STPG2: variants seen among roughly 807,000 people sequenced by gnomAD.
The protein encoded by STPG2 is sperm-tail PG-rich repeat-containing protein 2.
Under a neutral mutation model 54.2 loss-of-function variants are expected in STPG2, and 56 were observed. That is an observed-to-expected ratio of 1.03 (90% confidence interval 0.83 to 1.29). The LOEUF is 1.29. Among genes scored for constraint, STPG2 ranks in the 50% most tolerant of loss-of-function variants. STPG2 has a pLI of 0.00. For synonymous variants in STPG2, 200 were observed against 181.8 expected, an observed-to-expected ratio of 1.10 and a Z score of -0.81; for missense variants, 596 against 544.9, an observed-to-expected ratio of 1.09 and a Z score of -0.93.
chr4:97,966,413 G>C (rs534810991), intron 7 of STPG2, among the ~76,000 whole-genome samples: 1 of 152,194 alleles, frequency 6.6e-6, no homozygotes, highest in African/African-American at 2.4e-5. Context: ...GTACCAGAAA[G>C]TGATGAGGAG....
intron 4 of STPG2, among the ~76,000 whole-genome samples, chr4:97,498,216 G>A (rs935930511): frequency 4.0e-5 from 6 of 151,810 alleles, no homozygotes; most frequent in Admixed American, 2.6e-4. Flanking sequence ...TTTTTATTTC[G>A]GATGCAAACC....
intron 9 of STPG2, among the ~76,000 whole-genome samples, chr4:97,714,288 T>C (rs1016228555): frequency 6.6e-6 from 1 of 152,188 alleles, no homozygotes; most frequent in Non-Finnish European, 1.5e-5. Context: ...TTTAGCTTCA[T>C]TAATATAGGA....
intron 10 of STPG2, among the ~76,000 whole-genome samples, chr4:97,664,195 G>A (rs1249896426): frequency 2.6e-5 from 4 of 152,110 alleles, no homozygotes; most frequent in African/African-American, 9.7e-5. Context: ...CCCCAAAAAT[G>A]TAGATGCAAT....
chr4:98,028,055 G>A (rs1264545390), intron 5 of STPG2, among the ~76,000 whole-genome samples: 5 of 152,140 alleles, frequency 3.3e-5, no homozygotes, highest in African/African-American at 1.2e-4. Flanking sequence ...AGAGATGGCT[G>A]AAGGGATCCA....
intron 10 of STPG2, among the ~76,000 whole-genome samples, chr4:97,705,221 G>A (rs1045331260): frequency 5.9e-5 from 9 of 151,802 alleles, no homozygotes; most frequent in Non-Finnish European, 1.0e-4. Flanking sequence ...TGTTTCCTTT[G>A]CCTAGAAAAA....
At chr4:97,974,277 C>A (rs1734432423) in intron 6 of STPG2, among the ~76,000 whole-genome samples, 1 of 152,166 alleles carries the variant, frequency 6.6e-6, no homozygotes, top group Non-Finnish European at 1.5e-5. Flanking sequence ...AAGGCCTGTA[C>A]CCCCATTGTA....
intron 8 of STPG2, among the ~76,000 whole-genome samples, chr4:97,897,690 C>A (rs900004807): frequency 4.6e-5 from 7 of 151,986 alleles, no homozygotes; most frequent in African/African-American, 7.2e-5. Flanking sequence ...TGATTGCTAG[C>A]TGCATGTATG....
intron 9 of STPG2, among the ~76,000 whole-genome samples, chr4:97,781,669 T>G (rs888873197): frequency 1.3e-5 from 2 of 152,126 alleles, no homozygotes; most frequent in Non-Finnish European, 2.9e-5. Context: ...TGAACATCAA[T>G]GCAAAAATCA....
At chr4:98,060,729 T>C (rs539286009) in intron 5 of STPG2, among the ~76,000 whole-genome samples, 7 of 152,110 alleles carry the variant, frequency 4.6e-5, no homozygotes, top group Middle Eastern at 3.4e-3. Flanking sequence ...CATAGACCAA[T>C]GGAACAGAAT....
intron 10 of STPG2, among the ~76,000 whole-genome samples, chr4:97,637,177 G>T (rs1203553616): frequency 6.6e-6 from 1 of 152,144 alleles, no homozygotes; most frequent in East Asian, 1.9e-4. Flanking sequence ...GGGATGCAAG[G>T]CTGGTTCAAT....
intron 9 of STPG2, among the ~76,000 whole-genome samples, chr4:97,831,718 A>T (rs1728469953): frequency 6.6e-6 from 1 of 152,206 alleles, no homozygotes; most frequent in South Asian, 2.1e-4. Flanking sequence ...AATACAAACT[A>T]CCATCAGAGA....
At chr4:98,081,649 G>A (rs1757278431) in intron 5 of STPG2, among the ~76,000 whole-genome samples, 1 of 152,162 alleles carries the variant, frequency 6.6e-6, no homozygotes, top group South Asian at 2.1e-4. Context: ...TTTGCTTAGA[G>A]ACATGACTTG....
chr4:97,677,456 G>C (rs1452256349), intron 10 of STPG2, among the ~76,000 whole-genome samples: 1 of 152,154 alleles, frequency 6.6e-6, no homozygotes. Flanking sequence ...TTTTGAATGT[G>C]TACCTGTATT....
At chr4:97,786,197 TAA>T (rs71588916) in intron 9 of STPG2, among the ~76,000 whole-genome samples, 117 of 147,906 alleles carry the variant, frequency 7.9e-4, no homozygotes, top group African/African-American at 1.5e-3. Flanking sequence ...GTTTGCCAAT[TAA>T]AAAAAAAAAA....
chr4:98,021,380 G>C (rs1055355564), intron 5 of STPG2, among the ~76,000 whole-genome samples: 6 of 144,354 alleles, frequency 4.2e-5, no homozygotes, highest in African/African-American at 1.6e-4. Context: ...TGTGGTCTGA[G>C]AGACAGTTCG....
In STPG2 at chr4:97,500,749, T is replaced by A. The variant is rs371356829; in HGVS notation, c.462+211950A>T. Among the ~76,000 whole-genome samples, 3 of 151,986 alleles carry A rather than the reference T, an allele frequency of 2.0e-5. No individual in the cohort carries two copies. In the East Asian group the frequency reaches 5.8e-4, roughly 30 times the overall value. On this transcript the variant is annotated intron_variant, in intron 4 of 4. Coordinates refer to the STPG2 transcript ENST00000522676. ...ATTGCTAATTAATAATCAGATAAGA[T>A]GAGGACCGAGAATTGACCACTGAAT...
At chr4:97,545,208 T>C (rs1731808710) in intron 4 of STPG2, among the ~76,000 whole-genome samples, 1 of 151,990 alleles carries the variant, frequency 6.6e-6, no homozygotes. Context: ...GTCAACCAAA[T>C]CATGATATAT....
intron 10 of STPG2, among the ~76,000 whole-genome samples, chr4:97,643,096 T>C (rs1358315911): frequency 6.6e-6 from 1 of 151,654 alleles, no homozygotes; most frequent in Non-Finnish European, 1.5e-5. Flanking sequence ...AAATAACTCC[T>C]TATTCATTAT....
At chr4:97,633,014 A>G (rs1721343048) in intron 10 of STPG2, among the ~76,000 whole-genome samples, 1 of 152,148 alleles carries the variant, frequency 6.6e-6, no homozygotes, top group Admixed American at 6.5e-5. Context: ...CAATAGATAG[A>G]CAGAGATAGA....
Sources: allele counts gnomAD v4.1 joint callset (sites outside exome capture counted in the v4.1 genomes callset), GRCh38; gene constraint gnomAD v4.1.1; transcripts MANE v1.5; gene names NCBI Gene and HGNC (gene_info 2026-07-23, HGNC 2026-07-21).